The following FAM149A variants were observed in gnomAD, a reference collection of about 807,000 sequenced individuals.
The protein encoded by FAM149A is protein FAM149A.
FAM149A carries 71 observed loss-of-function variants against 78.2 expected under a neutral mutation model. The ratio of observed to expected loss-of-function variants is 0.91; its 90% CI spans 0.75 to 1.11. The LOEUF (loss-of-function observed/expected upper bound fraction) is 1.11, where lower values mean the gene tolerates loss of function less well. Among genes scored for constraint, FAM149A ranks in the 50% least tolerant of loss-of-function variants. The pLI, the probability that FAM149A is intolerant of heterozygous loss-of-function variation, is 0.00. For synonymous variants in FAM149A, 446 were observed against 410.5 expected, an observed-to-expected ratio of 1.09 and a Z score of -1.04; for missense variants, 1,036 against 971.0, an observed-to-expected ratio of 1.07 and a Z score of -0.89.
chr4:186,172,076 T>C lies in FAM149A; in HGVS notation c.*89T>C. On this transcript the variant is annotated 3_prime_UTR_variant, in exon 14 of 14. Transcript: ENST00000389354. ...TGGAGGAACAAGTGTTATATTTATCTGTGTGTCTGACAGTGTGAGATGTTA... is the reference window on the plus strand; with the variant it reads ...TGGAGGAACAAGTGTTATATTTATCCGTGTGTCTGACAGTGTGAGATGTTA... The C allele has an allele frequency of 6.5e-7, 1 of 1,547,164 alleles. No individual in the cohort carries two copies. Among genetic ancestry groups the C allele is most frequent in the South Asian group, 1.3e-5 (1 of 79,792 alleles).
intron 6 of FAM149A, 129 bp from the exon 7 acceptor site, chr4:186,155,871 A>G: frequency 1.6e-6 from 1 of 640,316 alleles, no homozygotes; most frequent in Non-Finnish European, 2.4e-6. Context: ...GTTAAAAAAG[A>G]ACGATGCTGT....
chr4:186,158,211 G>C (rs1265776215), intron 8 of FAM149A: 1 of 1,278,624 alleles, frequency 7.8e-7, no homozygotes, highest in Non-Finnish European at 1.0e-6. Flanking sequence ...TTCTCTCCTG[G>C]AACCTTCACT....
At position 186,167,185 on chromosome 4, in the gene FAM149A, C is replaced by A; in HGVS notation, c.2141C>A (p.Ser714Ter). Reference sequence around the variant, plus strand: ...CTGATTTTATTTTTCTTCCAGCAGTCGGATACGCCTCGAAAAAGTTCATTG... The same window carrying A: ...CTGATTTTATTTTTCTTCCAGCAGTAGGATACGCCTCGAAAAAGTTCATTG... The change falls in exon 13 of 14, where the codon TCG becomes TAG. Residue 714 changes from serine (S) to a stop codon, truncating the protein, a stop_gained and splice_region_variant. Transcript: ENST00000389354. LOFTEE classifies it high-confidence loss of function. The A allele has an allele frequency of 6.2e-7, 1 of 1,609,518 alleles. No individual in the cohort carries two copies. The highest frequency in any genetic ancestry group is 1.7e-5 in the Admixed American group (1 of 59,974).
In FAM149A at chr4:186,173,394, C is replaced by T. The variant is rs1259861989; in HGVS notation, c.*1407C>T. On this transcript the variant is annotated 3_prime_UTR_variant, in exon 14 of 14. Transcript: ENST00000389354. Reference sequence around the variant, plus strand: ...TTGAAACGGAGTCTGGCTCTGTGGCCCCGGCTGGAGTGCAGTGGCACGATC... The same window carrying T: ...TTGAAACGGAGTCTGGCTCTGTGGCTCCGGCTGGAGTGCAGTGGCACGATC... 9.0e-6 allele frequency among the ~76,000 whole-genome samples: 1 copy of T among 110,552 alleles called. No individual in the cohort carries two copies. Among genetic ancestry groups the T allele is most frequent in the African/African-American group, 2.8e-5 (1 of 35,162 alleles). The allele number at this position is 110,552 out of a possible 152,430, so 72.5% of individuals were successfully genotyped here.
At chr4:186,125,487 G>A (rs1007475756) in intron 1 of FAM149A, 77 of 386,522 alleles carry the variant, frequency 2.0e-4, no homozygotes, top group Non-Finnish European at 2.2e-4. Context: ...AAGATAGTCC[G>A]TCCGTCAGCC....
chr4:186,123,855 A>C (rs1338190095), intron 1 of FAM149A: 1 of 983,446 alleles, frequency 1.0e-6, no homozygotes, highest in Non-Finnish European at 1.2e-6. Context: ...GTTAAGCAGC[A>C]AATATTTATG....
At chr4:186,167,685 A>G in intron 13 of FAM149A, 2 of 288,600 alleles carry the variant, frequency 6.9e-6, no homozygotes, top group East Asian at 8.3e-5. Context: ...TTATAACACA[A>G]GGTTTTACAG....
At chr4:186,132,211 C>G (rs2099321031) in intron 1 of FAM149A, 1 of 985,204 alleles carries the variant, frequency 1.0e-6, no homozygotes, top group African/African-American at 1.7e-5. Flanking sequence ...TTTTCTATAT[C>G]TGAAAAGTAA....
chr4:186,167,293 A>G (rs927262607), intron 13 of FAM149A, 31 bp downstream of exon 13: 1 of 1,556,020 alleles, frequency 6.4e-7, no homozygotes, highest in Non-Finnish European at 8.9e-7. Context: ...AAATAAAGTG[A>G]TGTAGTAAGT....
intron 1 of FAM149A, chr4:186,126,027 C>T: frequency 1.0e-6 from 1 of 985,360 alleles, no homozygotes; most frequent in Non-Finnish European, 1.2e-6. Context: ...CTCCTTCCTC[C>T]CTTATATTCC....
intron 1 of FAM149A, chr4:186,132,309 T>G (rs1038287041): frequency 1.3e-6 from 1 of 763,440 alleles, no homozygotes; most frequent in African/African-American, 1.9e-5. Flanking sequence ...AAAGCTACAG[T>G]AAATAAGACT....
At chr4:186,130,263 A>ATCTCTCTCCC (rs2099320024) in intron 1 of FAM149A, 1 of 67,098 alleles carries the variant, frequency 1.5e-5, no homozygotes, top group African/African-American at 5.3e-5. Context: ...ACTTTATGAA[A>ATCTCTCTCCC]TCTCTCTCTC....
intron 3 of FAM149A, chr4:186,151,040 C>A: frequency 1.0e-6 from 1 of 985,376 alleles, no homozygotes; most frequent in Non-Finnish European, 1.2e-6. Context: ...CCCACTCCCA[C>A]TGCACATGGG....
intron 1 of FAM149A, among the ~76,000 whole-genome samples, chr4:186,139,152 C>T (rs986740606): frequency 2.0e-5 from 3 of 152,162 alleles, no homozygotes; most frequent in African/African-American, 4.8e-5. Context: ...AGGATGGCTC[C>T]TGTGACATGC....
chr4:186,111,395 T>C (rs201069858), intron 1 of FAM149A, among the ~76,000 whole-genome samples: 22,432 of 151,436 alleles, frequency 0.15, 2,065 homozygotes, highest in African/African-American at 0.25. Context: ...AGCTCTTTAG[T>C]TTAATTAGAT....
chr4:186,119,382 A>G (rs2099315049), intron 1 of FAM149A, among the ~76,000 whole-genome samples: 1 of 152,210 alleles, frequency 6.6e-6, no homozygotes, highest in South Asian at 2.1e-4. Flanking sequence ...GCACAGAAAC[A>G]AAATAAAGGC....
chr4:186,111,660 C>T (rs1227311433), intron 1 of FAM149A, among the ~76,000 whole-genome samples: 3 of 151,048 alleles, frequency 2.0e-5, no homozygotes, highest in East Asian at 3.9e-4. Flanking sequence ...GGAATCCTTT[C>T]CCCATTGCTT....
intron 1 of FAM149A, among the ~76,000 whole-genome samples, chr4:186,138,244 AGT>A (rs35301733): frequency 1.3e-5 from 2 of 150,930 alleles, no homozygotes; most frequent in African/African-American, 4.9e-5. Flanking sequence ...TTAGTGAGTG[AGT>A]GTGTGTGTGT....
At chr4:186,150,623 G>T (rs1276499325) in intron 3 of FAM149A, among the ~76,000 whole-genome samples, 6 of 140,284 alleles carry the variant, frequency 4.3e-5, no homozygotes, top group Non-Finnish European at 6.2e-5. Context: ...GTTTCACCGT[G>T]TTAGCCAGGA....
Sources: allele counts gnomAD v4.1 joint callset (sites outside exome capture counted in the v4.1 genomes callset), GRCh38; gene constraint gnomAD v4.1.1; transcripts MANE v1.5; gene names NCBI Gene and HGNC (gene_info 2026-07-23, HGNC 2026-07-21).